Variants in PDE3A observed in about 807,000 individuals in gnomAD.
PDE3A encodes cGMP-inhibited 3',5'-cyclic phosphodiesterase 3A.
In PDE3A, 43 loss-of-function variants were observed where a neutral mutation model predicts 98.3. The observed-to-expected ratio is 0.44, with a 90% CI of 0.34 to 0.56. The LOEUF (loss-of-function observed/expected upper bound fraction) is 0.56, where lower values mean the gene tolerates loss of function less well. Among genes scored for constraint, PDE3A ranks in the 20% least tolerant of loss-of-function variants. The pLI, the probability that PDE3A is intolerant of heterozygous loss-of-function variation, is 0.01. For missense variants in PDE3A, 1,427 were observed against 1,440.7 expected, an observed-to-expected ratio of 0.99 and a Z score of 0.15; for synonymous variants, 663 against 567.9, an observed-to-expected ratio of 1.17 and a Z score of -2.38.
chr12:20,544,188 A>G (rs1941995017), intron 1 of PDE3A, among the ~76,000 whole-genome samples: 1 of 149,268 alleles, frequency 6.7e-6, no homozygotes, highest in Admixed American at 6.7e-5. Context: ...ATATATTCAA[A>G]TATATATTTT....
chr12:20,540,993 C>T (rs1033139425), intron 1 of PDE3A, among the ~76,000 whole-genome samples: 5 of 148,064 alleles, frequency 3.4e-5, no homozygotes, highest in South Asian at 4.3e-4. Flanking sequence ...TAGAGTTTTC[C>T]GTTTCAATAT....
At chr12:20,475,679 G>A (rs749727257) in intron 1 of PDE3A, among the ~76,000 whole-genome samples, 3 of 152,024 alleles carry the variant, frequency 2.0e-5, no homozygotes, top group Admixed American at 6.6e-5. Context: ...GCAGTGAGCC[G>A]AGATGATGCC....
At chr12:20,506,171 T>A (rs1242384063) in intron 1 of PDE3A, among the ~76,000 whole-genome samples, 2 of 151,644 alleles carry the variant, frequency 1.3e-5, no homozygotes, top group African/African-American at 4.8e-5. Flanking sequence ...CTCCAAAAAT[T>A]TATTTTGTAA....
At chr12:20,370,566 T>A (rs1429405394) in intron 1 of PDE3A, among the ~76,000 whole-genome samples, 3 of 152,208 alleles carry the variant, frequency 2.0e-5, no homozygotes, top group African/African-American at 7.2e-5. Flanking sequence ...GCTTGCCTAC[T>A]CTTTTCAGTA....
intron 1 of PDE3A, among the ~76,000 whole-genome samples, chr12:20,510,507 A>G (rs976882584): frequency 1.3e-5 from 2 of 152,144 alleles, no homozygotes; most frequent in African/African-American, 4.8e-5. Context: ...ATAAAAATCT[A>G]TATTTGAAAA....
chr12:20,601,213 G>A (rs910237148), intron 2 of PDE3A, among the ~76,000 whole-genome samples: 10 of 151,546 alleles, frequency 6.6e-5, no homozygotes, highest in Non-Finnish European at 1.0e-4. Context: ...TTTCTCAAAA[G>A]GTATAGCTCC....
At position 20,482,944 on chromosome 12, in the gene PDE3A, G is replaced by T. The variant is rs555592668; in HGVS notation, c.961-73716G>T. 2.0e-5 allele frequency among the ~76,000 whole-genome samples: 3 copies of T among 152,220 alleles called. No individual in the cohort carries two copies. In the East Asian group the frequency reaches 5.8e-4, roughly 29 times the overall value. Reference sequence around the variant, plus strand: ...TAGAAAGTGCAAAGTACGATATGACGTAGGAATTAGGCAAATAAAAGTTTC... The same window carrying T: ...TAGAAAGTGCAAAGTACGATATGACTTAGGAATTAGGCAAATAAAAGTTTC... On this transcript the variant is annotated intron_variant, in intron 1 of 15. Coordinates refer to ENST00000359062, the MANE Select transcript of PDE3A (RefSeq NM_000921.5).
chr12:20,664,664 T>C (rs936232101), intron 15 of PDE3A, among the ~76,000 whole-genome samples: 4 of 152,168 alleles, frequency 2.6e-5, no homozygotes, highest in African/African-American at 4.8e-5. Flanking sequence ...AGGGGTTTCC[T>C]CTTTTGCTTG....
At position 20,416,971 on chromosome 12, in the gene PDE3A, G is replaced by A; in HGVS notation, c.960+46727G>A. ...TTCTTATAAATTTATCCTATTAAGG[G>A]AATAAATTGGCTATTTTATTTAAAA... On this transcript the variant is annotated intron_variant, in intron 1 of 15. Transcript: ENST00000359062. Among the ~76,000 whole-genome samples, 3 of 152,176 alleles carry A rather than the reference G, an allele frequency of 2.0e-5. No individual in the cohort carries two copies. The South Asian group carries it at 6.2e-4, about 32-fold the overall frequency.
rs551105783 is a variant in PDE3A at position 20,656,543 on chromosome 12, A to G, written c.3184+2338A>G. ...GCAAATAAAAAGACTTCCATTAGAA[A>G]ATTTGTACTAATCTTGAGATTCAGA... On this transcript the variant is annotated intron_variant, in intron 15 of 15. Transcript: ENST00000359062. Among the ~76,000 whole-genome samples the G allele has an allele frequency of 7.9e-5, 12 of 152,346 alleles. No homozygotes were observed. In the East Asian group the frequency reaches 2.1e-3, roughly 27 times the overall value.
At chr12:20,483,442 T>C (rs1258695618) in intron 1 of PDE3A, among the ~76,000 whole-genome samples, 3 of 152,160 alleles carry the variant, frequency 2.0e-5, no homozygotes, top group African/African-American at 7.2e-5. Context: ...TAACAAATTC[T>C]GGCAAATGAC....
chr12:20,441,938 A>G (rs1944876892), intron 1 of PDE3A, among the ~76,000 whole-genome samples: 1 of 152,248 alleles, frequency 6.6e-6, no homozygotes, highest in East Asian at 1.9e-4. Context: ...CTATAGCTTC[A>G]TTTGTAACTA....
At chr12:20,386,962 AAG>A (rs1228906593) in intron 1 of PDE3A, among the ~76,000 whole-genome samples, 1 of 150,760 alleles carries the variant, frequency 6.6e-6, no homozygotes, top group Admixed American at 6.7e-5. Context: ...AGTTATAAGA[AAG>A]GGGTCCAGTT....
At position 20,648,856 on chromosome 12, in the gene PDE3A, A is replaced by G; in HGVS notation, c.2734A>G (p.Lys912Glu). ...AGCAATTTTGGCCACTGACCTGAAG[A>G]AACACTTTGACTTCGTAGCCAAATT... ...IEAILATDLK[K>E]HFDFVAKFNG... The change falls in exon 13 of 16, where the codon AAA becomes GAA. Residue 912 changes from lysine to glutamate, a missense_variant. Around this residue, in one of 3 missense-constraint regions of PDE3A, gnomAD observed 273 missense variants for 420.3 expected, o/e 0.65. Coordinates refer to ENST00000359062, the MANE Select transcript of PDE3A (RefSeq NM_000921.5). The G allele has an allele frequency of 6.2e-7, 1 of 1,613,768 alleles. No individual in the cohort carries two copies. Among genetic ancestry groups the G allele is most frequent in the Non-Finnish European group, 8.5e-7 (1 of 1,179,722 alleles).
chr12:20,451,572 G>T (rs527517911), intron 1 of PDE3A, among the ~76,000 whole-genome samples: 66 of 152,250 alleles, frequency 4.3e-4, no homozygotes, highest in Non-Finnish European at 7.9e-4. Context: ...CTCCCAAACT[G>T]CTGGGATTAC....
At chr12:20,633,564 C>A in intron 6 of PDE3A, 129 bp from the exon 7 acceptor site, 1 of 513,852 alleles carries the variant, frequency 1.9e-6, no homozygotes, top group Non-Finnish European at 3.5e-6. Context: ...CATATTTTCA[C>A]AAAACAAATA....
intron 5 of PDE3A, 95 bp from the exon 6 acceptor site, chr12:20,629,813 T>TTA (rs1944342293): frequency 8.6e-6 from 8 of 928,356 alleles, no homozygotes; most frequent in Non-Finnish European, 1.4e-5. Context: ...CACGTGGTTG[T>TTA]TACTGAGTTT....
intron 1 of PDE3A, among the ~76,000 whole-genome samples, chr12:20,383,501 C>G (rs1943696696): frequency 6.6e-6 from 1 of 151,934 alleles, no homozygotes; most frequent in Non-Finnish European, 1.5e-5. Flanking sequence ...TCTCTTTTTA[C>G]CAGCTTCCAC....
At chr12:20,471,081 T>G (rs1354096649) in intron 1 of PDE3A, among the ~76,000 whole-genome samples, 1 of 148,736 alleles carries the variant, frequency 6.7e-6, no homozygotes, top group Non-Finnish European at 1.5e-5. Context: ...AATTTCTGTG[T>G]TTTAAGCCAC....
Sources: allele counts gnomAD v4.1 joint callset (sites outside exome capture counted in the v4.1 genomes callset), GRCh38; gene constraint gnomAD v4.1.1; regional missense constraint gnomAD v4.1.1; transcripts MANE v1.5; gene names NCBI Gene and HGNC (gene_info 2026-07-23, HGNC 2026-07-21).